Variants in PIK3CD observed in about 807,000 individuals in gnomAD.
The protein encoded by PIK3CD is phosphatidylinositol-4,5-bisphosphate 3-kinase catalytic subunit delta, also known as phosphatidylinositol 4,5-bisphosphate 3-kinase catalytic subunit delta isoform.
A neutral mutation model predicts 122.9 loss-of-function variants in PIK3CD; 20 were observed. The observed-to-expected ratio is 0.16, with a 90% confidence interval of 0.11 to 0.24. The LOEUF is 0.24. Among genes scored for constraint, PIK3CD ranks in the 10% least tolerant of loss-of-function variants. The probability of loss-of-function intolerance (pLI) is 1.00; values close to 1 mark genes in which losing one functional copy is unlikely to be tolerated. For synonymous variants in PIK3CD, 596 were observed against 593.4 expected (o/e 1.00, Z -0.06); for missense variants, 787 against 1,406.3 (o/e 0.56, Z 7.04).
chr1:9,645,726 C>G, the PIK3CD span, among the ~76,000 whole-genome samples: 1 of 151,676 alleles, frequency 6.6e-6, no homozygotes, highest in Admixed American at 6.6e-5. Context: ...CTGCCTCAGC[C>G]TCCTGAGTAG....
chr1:9,673,278 G>T (rs1417482581), intron 1 of PIK3CD, among the ~76,000 whole-genome samples: 1 of 151,472 alleles, frequency 6.6e-6, no homozygotes, highest in Non-Finnish European at 1.5e-5. Flanking sequence ...TTAATTTTTT[G>T]AAACAGAGTC....
rs996393017 is a variant in PIK3CD, at chr1:9,727,519, G to A, written c.*473G>A. The A allele has an allele frequency of 7.7e-6, 2 of 259,914 alleles. No homozygotes were observed. Among genetic ancestry groups the A allele is most frequent in the East Asian group, 6.1e-5 (1 of 16,262 alleles). The allele number at this position is 259,914 out of a possible 1,614,324, so 16.1% of individuals were successfully genotyped here. A position where few individuals can be genotyped will look rare whatever the true frequency, so the allele number is the denominator to read the frequency against. On this transcript the variant is annotated 3_prime_UTR_variant, in exon 24 of 24. Transcript: ENST00000377346. The stretch of plus-strand genomic sequence containing the variant: ...TCTGGCAGCTCCCCGAGGCAGCCGG[G>A]GTACCCTCTAGATTCAGGGATGCTT...
In PIK3CD at chr1:9,727,183, G is replaced by C; in HGVS notation, c.*137G>C. 1 of 962,644 alleles carries C rather than the reference G, an allele frequency of 1.0e-6. No homozygotes were observed. The highest frequency in any genetic ancestry group is 1.6e-6 in the Non-Finnish European group (1 of 617,876). The allele number at this position is 962,644 out of a possible 1,614,324, so 59.6% of individuals were successfully genotyped here. On this transcript the variant is annotated 3_prime_UTR_variant, in exon 24 of 24. Coordinates refer to ENST00000377346, the MANE Select transcript of PIK3CD (RefSeq NM_005026.5). ...GACATGGCTGCCTTTTGTTTACACT[G>C]GTTATTTATTTATGACTTGAAATAG...
rs397518423 is a variant in PIK3CD at position 9,726,972 on chromosome 1, G to A, written c.3061G>A (p.Glu1021Lys). The change falls in exon 24 of 24, where the codon GAA becomes AAA. Residue 1021 changes from glutamate to lysine, a missense_variant. Transcript: ENST00000377346. Reference protein sequence around the residue: ...ALKHFRVKFNEALRESWKTKV... With the variant: ...ALKHFRVKFNKALRESWKTKV... ...GAAGCACTTCCGAGTGAAGTTTAAC[G>A]AAGCCCTCCGTGAGAGCTGGAAAAC... 6.2e-7 allele frequency: 1 copy of A among 1,613,974 alleles called. No individual in the cohort carries two copies. Among genetic ancestry groups the A allele is most frequent in the Non-Finnish European group, 8.5e-7 (1 of 1,179,942 alleles).
the PIK3CD span, among the ~76,000 whole-genome samples, chr1:9,634,146 GTTGTTTTTTTTT>G: frequency 2.6e-5 from 3 of 116,682 alleles, no homozygotes; most frequent in African/African-American, 1.3e-4. Context: ...TAATTTTTGG[GTTGTTTTTTTTT>G]TTTTTTTTTT....
chr1:9,639,399 C>T, the PIK3CD span, among the ~76,000 whole-genome samples: 4 of 152,236 alleles, frequency 2.6e-5, no homozygotes, highest in East Asian at 7.7e-4. Context: ...CTGCTGAGCA[C>T]CCCCGAGAGG....
chr1:9,718,546 C>A lies in PIK3CD; in HGVS notation c.1021-148C>A. The A allele has an allele frequency of 1.2e-6, 1 of 800,522 alleles. No homozygotes were observed. Among genetic ancestry groups the A allele is most frequent in the Non-Finnish European group, 2.1e-6 (1 of 479,806 alleles). 49.6% of individuals were successfully genotyped at this position (800,522 alleles called of 1,614,324 possible). On this transcript the variant is annotated intron_variant, in intron 8 of 23. Coordinates refer to ENST00000377346, the MANE Select transcript of PIK3CD (RefSeq NM_005026.5). This position sits in a 1 kb window ranked among gnomAD's most constrained non-coding sequence, Gnocchi z 7.2. ...CCAGGGCCGCTCATGCCCCTCAGGC[C>A]TTCCCTGTGCTGCACCACCTTCCTT...
intron 1 of PIK3CD, among the ~76,000 whole-genome samples, chr1:9,667,438 G>A (rs998755807): frequency 7.9e-5 from 12 of 151,128 alleles, no homozygotes; most frequent in African/African-American, 2.2e-4. Flanking sequence ...GTGCAGTGGC[G>A]CAATCTCGAC....
chr1:9,700,707 C>T lies in PIK3CD; in HGVS notation c.-33+9136C>T, dbSNP rs74444368. Among the ~76,000 whole-genome samples, 1,622 of 152,174 alleles carry T rather than the reference C, an allele frequency of 0.011. 27 individuals carry two copies. Among genetic ancestry groups the T allele is most frequent in the African/African-American group, 0.037 (1,519 of 41,524 alleles). On this transcript the variant is annotated intron_variant, in intron 2 of 23. Transcript: ENST00000377346. This position sits in a 1 kb window ranked among gnomAD's most constrained non-coding sequence, Gnocchi z 5.1. ...CCGCCCTCCCACCTGGGGAGTTTGC[C>T]CCTGGCGGTCTTTACGTGGCTATTC... is the stretch of plus-strand genomic sequence containing the variant.
intron 1 of PIK3CD, among the ~76,000 whole-genome samples, chr1:9,663,465 GGATATCTACCTGTT>G (rs1265091051): frequency 3.3e-5 from 5 of 152,090 alleles, no homozygotes; most frequent in Admixed American, 6.6e-5. Flanking sequence ...GGAGCATGTG[GGATATCTACCTGTT>G]GATATCTACC....
At chr1:9,665,932 G>A (rs1232804887) in intron 1 of PIK3CD, among the ~76,000 whole-genome samples, 1 of 151,512 alleles carries the variant, frequency 6.6e-6, no homozygotes, top group African/African-American at 2.4e-5. Flanking sequence ...TTTTGTTTTT[G>A]TTTTTGTTTT....
In PIK3CD at chr1:9,724,699, C is replaced by T; in HGVS notation, c.2865-105C>T. On this transcript the variant is annotated intron_variant, in intron 22 of 23. Coordinates refer to ENST00000377346, the MANE Select transcript of PIK3CD (RefSeq NM_005026.5). This position sits in a 1 kb window ranked among gnomAD's most constrained non-coding sequence, Gnocchi z 7.3. Reference sequence around the variant, plus strand: ...GCCTTGTGTCCACCCATTATCAGGGCAAGGGCAGGTGTCCTTGGGGAAGGG... The same window carrying T: ...GCCTTGTGTCCACCCATTATCAGGGTAAGGGCAGGTGTCCTTGGGGAAGGG... The T allele has an allele frequency of 6.9e-7, 1 of 1,450,186 alleles. No individual in the cohort carries two copies. Among genetic ancestry groups the T allele is most frequent in the East Asian group, 2.3e-5 (1 of 44,052 alleles). The allele number at this position is 1,450,186 out of a possible 1,614,324, so 89.8% of individuals were successfully genotyped here.
In PIK3CD at chr1:9,722,236, C is replaced by T; in HGVS notation, c.2235-8C>T. On this transcript the variant is annotated splice_polypyrimidine_tract_variant and splice_region_variant and intron_variant, in intron 17 of 23. Coordinates refer to ENST00000377346, the MANE Select transcript of PIK3CD (RefSeq NM_005026.5). This position sits in a 1 kb window ranked among gnomAD's most constrained non-coding sequence, Gnocchi z 7.6. The stretch of plus-strand genomic sequence containing the variant: ...CCCCTGCTGACTGCCCGCTCTCTGG[C>T]CTGGCAGCGTGGAGCAGTGCACCTT... 1 of 1,612,284 alleles carries T rather than the reference C, an allele frequency of 6.2e-7. No homozygotes were observed. The highest frequency in any genetic ancestry group is 8.5e-7 in the Non-Finnish European group (1 of 1,179,222).
chr1:9,649,456 C>T (rs546143531), upstream of PIK3CD, among the ~76,000 whole-genome samples: 1 of 152,254 alleles, frequency 6.6e-6, no homozygotes, highest in South Asian at 2.1e-4. Context: ...TGGTCTCAAA[C>T]TCCTGGCCTC....
chr1:9,728,808 T>C lies in PIK3CD; in HGVS notation c.*1762T>C, dbSNP rs1382868173. ...GAAGAATATTTTCTATTTTTTTAAG[T>C]CATTTCATGTTTCTGTCTGGGGAAG... On this transcript the variant is annotated 3_prime_UTR_variant, in exon 24 of 24. Transcript: ENST00000377346. 6.6e-6 allele frequency: 1 copy of C among 152,242 alleles called. No homozygotes were observed. The highest frequency in any genetic ancestry group is 1.5e-5 in the Non-Finnish European group (1 of 68,054). 9.4% of individuals were successfully genotyped at this position (152,242 alleles called of 1,614,324 possible).
intron 3 of PIK3CD, among the ~76,000 whole-genome samples, chr1:9,714,201 T>C (rs1362935369): frequency 6.6e-6 from 1 of 152,154 alleles, no homozygotes; most frequent in Non-Finnish European, 1.5e-5. Context: ...GAGCTGTGCA[T>C]GTGGGTTATT....
chr1:9,720,638 T>A lies in PIK3CD; in HGVS notation c.1498T>A (p.Cys500Ser). The A allele has an allele frequency of 1.5e-6, 2 of 1,315,642 alleles. No homozygotes were observed. Among genetic ancestry groups the A allele is most frequent in the Non-Finnish European group, 2.0e-6 (2 of 1,010,788 alleles). 81.5% of individuals were successfully genotyped at this position (1,315,642 alleles called of 1,614,324 possible). ...CTTGGAGCTGGGGCGACACAGCGAG[T>A]GTGTGCATGTCACCGAGGAGGAGGT... The part of the protein sequence containing the change: ...KILELGRHSE[C>S]VHVTEEEQLQ... Residue 500 changes from cysteine (C) to serine (S), a missense_variant, in exon 12 of 24, where the codon TGT (cysteine) becomes AGT (serine). Coordinates refer to ENST00000377346, the MANE Select transcript of PIK3CD (RefSeq NM_005026.5). The surrounding 1 kb of genome is among the most constrained non-coding windows in gnomAD (Gnocchi z 9.0).
chr1:9,670,173 G>C (rs1423887597), intron 1 of PIK3CD, among the ~76,000 whole-genome samples: 1 of 134,900 alleles, frequency 7.4e-6, no homozygotes, highest in African/African-American at 2.9e-5. Context: ...AAAAAAAAAA[G>C]TTCCTCATAT....
rs1008562462 is a variant in PIK3CD, at chr1:9,720,984, G to A, written c.1689+75G>A. 22 of 1,446,230 alleles carry A rather than the reference G, an allele frequency of 1.5e-5. No individual in the cohort carries two copies. Among genetic ancestry groups the A allele is most frequent in the African/African-American group, 5.7e-5 (4 of 70,310 alleles). The allele number at this position is 1,446,230 out of a possible 1,614,324, so 89.6% of individuals were successfully genotyped here. On this transcript the variant is annotated intron_variant, in intron 13 of 23. Coordinates refer to ENST00000377346, the MANE Select transcript of PIK3CD (RefSeq NM_005026.5). This position sits in a 1 kb window ranked among gnomAD's most constrained non-coding sequence, Gnocchi z 9.0. The stretch of plus-strand genomic sequence containing the variant: ...TCTGGCTACCCACCACCCTGACCCC[G>A]GCCAACCCCCACCCTCACCCTGGCC...
Sources: gnomAD v4.1 joint callset for allele counts (sites outside exome capture counted in the v4.1 genomes callset) on GRCh38, gnomAD v4.1.1 for gene constraint, Gnocchi (gnomAD v3.1) non-coding constraint, MANE v1.5 for transcripts, NCBI Gene and HGNC (gene_info 2026-07-23, HGNC 2026-07-21) for gene names.